The following ZNF407 variants were observed in gnomAD, a reference collection of about 807,000 sequenced individuals.
ZNF407 encodes zinc finger protein 407.
A neutral mutation model predicts 131.2 loss-of-function variants in ZNF407; 17 were observed. The ratio of observed to expected loss-of-function variants is 0.13; its 90% confidence interval spans 0.09 to 0.19. The LOEUF (loss-of-function observed/expected upper bound fraction) is 0.19. Among genes scored for constraint, ZNF407 ranks in the 10% least tolerant of loss-of-function variants. The pLI is 1.00. For missense variants in ZNF407, 2,681 were observed against 2,830.6 expected (o/e 0.95, Z 1.20); for synonymous variants, 1,156 against 1,062.0 (o/e 1.09, Z -1.72).
intron 4 of ZNF407, among the ~76,000 whole-genome samples, chr18:74,862,769 C>T (rs1164835099): frequency 2.0e-5 from 3 of 152,146 alleles, no homozygotes; most frequent in African/African-American, 7.2e-5. Flanking sequence ...TTTTTGCCAA[C>T]TCTTATTCAT....
intron 3 of ZNF407, among the ~76,000 whole-genome samples, chr18:74,759,897 G>T (rs1599131039): frequency 7.0e-6 from 1 of 141,934 alleles, no homozygotes; most frequent in African/African-American, 2.6e-5. Context: ...GGTTTCTGTT[G>T]ACTGCTTTTT....
At chr18:74,719,397 A>G (rs1967973013) in intron 3 of ZNF407, among the ~76,000 whole-genome samples, 1 of 151,384 alleles carries the variant, frequency 6.6e-6, no homozygotes, top group East Asian at 1.9e-4. Context: ...TTACTTACTT[A>G]CTTACTTACT....
intron 7 of ZNF407, among the ~76,000 whole-genome samples, chr18:74,898,992 A>G (rs1971488475): frequency 6.6e-6 from 1 of 152,164 alleles, no homozygotes; most frequent in Non-Finnish European, 1.5e-5. Context: ...CCCAAATTAT[A>G]CTTTTCCTTT....
At chr18:74,877,102 T>C (rs2303440) in intron 4 of ZNF407, 95 bp from the exon 5 acceptor site, 109,745 of 1,054,168 alleles carry the variant, frequency 0.1, 6,496 homozygotes, top group Middle Eastern at 0.2. Flanking sequence ...AGGCTGCGTG[T>C]GCACCGCACC....
At chr18:74,992,137 A>G (rs1007733600) in intron 8 of ZNF407, among the ~76,000 whole-genome samples, 1 of 152,222 alleles carries the variant, frequency 6.6e-6, no homozygotes, top group African/African-American at 2.4e-5. Context: ...TGCTGTTCTG[A>G]GTGCCCACGA....
chr18:74,771,460 A>G (rs982624604), intron 3 of ZNF407, among the ~76,000 whole-genome samples: 81 of 152,096 alleles, frequency 5.3e-4, no homozygotes, highest in African/African-American at 1.8e-3. Context: ...TGATTAAACA[A>G]TATAATATGA....
chr18:74,656,005 T>C (rs1332454015), intron 3 of ZNF407, among the ~76,000 whole-genome samples: 4 of 152,068 alleles, frequency 2.6e-5, no homozygotes, highest in Non-Finnish European at 5.9e-5. Flanking sequence ...AGGAGAATTT[T>C]ATATTTATAA....
intron 4 of ZNF407, among the ~76,000 whole-genome samples, chr18:74,830,982 T>C (rs765803832): frequency 6.6e-6 from 1 of 152,122 alleles, no homozygotes; most frequent in Non-Finnish European, 1.5e-5. Context: ...TGAGATCAAA[T>C]TTTTTTAGCT....
intron 7 of ZNF407, among the ~76,000 whole-genome samples, chr18:74,919,887 A>T (rs892452676): frequency 1.2e-4 from 19 of 152,194 alleles, no homozygotes; most frequent in African/African-American, 4.6e-4. Context: ...CCCTGATTTC[A>T]GTGGCACCGT....
At chr18:75,055,912 T>G (rs904950943) in intron 8 of ZNF407, among the ~76,000 whole-genome samples, 1 of 152,322 alleles carries the variant, frequency 6.6e-6, no homozygotes, top group South Asian at 2.1e-4. Context: ...TGTATTTGAA[T>G]GTATGTGAAA....
chr18:74,859,303 T>C (rs1424582306), intron 4 of ZNF407, among the ~76,000 whole-genome samples: 1 of 152,224 alleles, frequency 6.6e-6, no homozygotes, highest in East Asian at 1.9e-4. Flanking sequence ...AGTTCATTAA[T>C]GCTGGTGTCT....
At chr18:75,059,811 C>A (rs1973603700) in intron 8 of ZNF407, among the ~76,000 whole-genome samples, 1 of 152,058 alleles carries the variant, frequency 6.6e-6, no homozygotes, top group African/African-American at 2.4e-5. Flanking sequence ...TACAAGACAA[C>A]CATGAGACAG....
intron 8 of ZNF407, among the ~76,000 whole-genome samples, chr18:75,041,292 G>T (rs916847319): frequency 6.6e-6 from 1 of 152,126 alleles, no homozygotes; most frequent in African/African-American, 2.4e-5. Context: ...GCCTTACCAC[G>T]TTCCTAAGTG....
At position 74,608,840 on chromosome 18, in the gene ZNF407, A is replaced by G. The variant is rs9956742; in HGVS notation, c.-54+10903A>G. On this transcript the variant is annotated intron_variant, in intron 1 of 8. Coordinates refer to ENST00000299687, the MANE Select transcript of ZNF407 (RefSeq NM_017757.3). ...TTCTCAGTGCATCATATGAGGAGGT[A>G]TGTGATATAGATATGTCTTCTTCTG... 5.8e-3 allele frequency among the ~76,000 whole-genome samples: 876 copies of G among 152,276 alleles called. 6 individuals are homozygous for G. Among genetic ancestry groups the G allele is most frequent in the African/African-American group, 0.018 (757 of 41,536 alleles).
In ZNF407 at chr18:74,634,396, A is replaced by T; in HGVS notation, c.3377A>T (p.Asp1126Val). The change falls in exon 2 of 9, where the codon GAT becomes GTT. Residue 1126 changes from aspartate (D) to valine (V), a missense_variant. By Grantham distance (152) the Asp-to-Val change is radical (BLOSUM62 -3). Transcript: ENST00000299687. ...ACTCTTAAATCTAGAAATGCTGCAG[A>T]TTGCTCTATTTTAAATGAGAATACT... Reference protein sequence around the residue: ...SDTLKSRNAADCSILNENTNL... With the variant: ...SDTLKSRNAAVCSILNENTNL... 1.2e-6 allele frequency: 2 copies of T among 1,613,676 alleles called. No individual in the cohort carries two copies. Among genetic ancestry groups the T allele is most frequent in the Admixed American group, 1.7e-5 (1 of 60,012 alleles).
At chr18:74,892,794 A>G (rs917994305) in intron 7 of ZNF407, among the ~76,000 whole-genome samples, 1 of 152,194 alleles carries the variant, frequency 6.6e-6, no homozygotes, top group African/African-American at 2.4e-5. Flanking sequence ...ACATTGATGC[A>G]CAATAATGAA....
At chr18:74,965,906 G>T (rs1159650517) in intron 8 of ZNF407, among the ~76,000 whole-genome samples, 1 of 152,158 alleles carries the variant, frequency 6.6e-6, no homozygotes. Flanking sequence ...CATTTTGATT[G>T]ATGATCGATG....
At chr18:74,803,211 G>A (rs1003372762) in intron 4 of ZNF407, among the ~76,000 whole-genome samples, 1 of 152,190 alleles carries the variant, frequency 6.6e-6, no homozygotes, top group Non-Finnish European at 1.5e-5. Flanking sequence ...ACTGGAGTGA[G>A]GGGAAGACCT....
intron 7 of ZNF407, among the ~76,000 whole-genome samples, chr18:74,916,551 G>C (rs1229287250): frequency 8.6e-6 from 1 of 115,958 alleles, no homozygotes; most frequent in Non-Finnish European, 1.7e-5. Context: ...TTCGAATCGG[G>C]AGTGTGTGTG....
Sources: allele counts gnomAD v4.1 joint callset (sites outside exome capture counted in the v4.1 genomes callset), GRCh38; gene constraint gnomAD v4.1.1; transcripts MANE v1.5; gene names NCBI Gene and HGNC (gene_info 2026-07-23, HGNC 2026-07-21).